CYBB: variants seen among roughly 807,000 people sequenced by gnomAD.
The protein encoded by CYBB is cytochrome b-245 beta chain, also known as NADPH oxidase 2.
Under a neutral mutation model 46.5 loss-of-function variants are expected in CYBB, and 5 were observed. The observed-to-expected ratio is 0.11, with a 90% CI of 0.06 to 0.23. The LOEUF (loss-of-function observed/expected upper bound fraction) is 0.23, where lower values mean the gene tolerates loss of function less well. Among genes scored for constraint, CYBB ranks in the 10% least tolerant of loss-of-function variants. The pLI is 1.00. For synonymous variants in CYBB, 183 were observed against 156.7 expected (o/e 1.17, Z -1.26); for missense variants, 307 against 428.3 (o/e 0.72, Z 2.50).
At chrX:37,798,075 A>G (rs1556468909) in intron 6 of CYBB, 1 of 112,006 alleles carries the variant, frequency 8.9e-6, no homozygotes, top group Non-Finnish European at 1.9e-5. Context: ...AATGAACTTG[A>G]ATTAAAACAT....
At chrX:37,802,433 A>T (rs1298442068) in intron 8 of CYBB, among the ~76,000 whole-genome samples, 1 of 111,856 alleles carries the variant, frequency 8.9e-6, no homozygotes, top group Admixed American at 9.5e-5. Context: ...TTTTCTTCTC[A>T]TATAAATAAA....
At chrX:37,804,283 T>C (rs782781536) in intron 9 of CYBB, among the ~76,000 whole-genome samples, 153 bp downstream of exon 9, 1 of 112,058 alleles carries the variant, frequency 8.9e-6, no homozygotes, top group African/African-American at 3.2e-5. Flanking sequence ...TTCATATGTG[T>C]AGTGTGTTTA....
At chrX:37,782,207 C>A (rs373087785) in intron 2 of CYBB, 24 bp downstream of exon 2, 2 of 957,642 alleles carry the variant, frequency 2.1e-6, no homozygotes, top group African/African-American at 3.8e-5. Flanking sequence ...CCATCCCATG[C>A]AATATTGGCT....
At chrX:37,781,213 A>G (rs1397030728) in intron 1 of CYBB, among the ~76,000 whole-genome samples, 2 of 112,411 alleles carry the variant, frequency 1.8e-5, no homozygotes, top group Non-Finnish European at 3.8e-5. Flanking sequence ...TTCAAATTAA[A>G]CTTTTAGCTC....
rs766756667 is a variant in CYBB, at chrX:37,810,885, G to A, written c.1681G>A (p.Val561Met). 34 of 1,206,839 alleles carry A rather than the reference G, an allele frequency of 2.8e-5. 1 individual carries two copies. The East Asian group carries it at 8.0e-4, about 28-fold the overall frequency. Reference protein sequence around the residue: ...ISNSESGPRGVHFIFNKENF With the variant: ...ISNSESGPRGMHFIFNKENF ...CAACTCTGAGTCTGGCCCTCGGGGAGTGCATTTCATTTTCAACAAGGAAAA... is the reference window on the plus strand; with the variant it reads ...CAACTCTGAGTCTGGCCCTCGGGGAATGCATTTCATTTTCAACAAGGAAAA... Residue 561 changes from valine (V) to methionine (M), a missense_variant, in exon 13 of 13, where the codon GTG becomes ATG. Physicochemically the swap from Val to Met is conservative, Grantham distance 21. Transcript: ENST00000378588.
chrX:37,792,341 C>T (rs1556467206), intron 4 of CYBB, among the ~76,000 whole-genome samples: 1 of 110,956 alleles, frequency 9.0e-6, no homozygotes, highest in Non-Finnish European at 1.9e-5. Context: ...CTTTGCTATT[C>T]TTTCTAGTGT....
At chrX:37,799,317 T>C (rs782032547) in intron 7 of CYBB, among the ~76,000 whole-genome samples, 4 of 111,558 alleles carry the variant, frequency 3.6e-5, no homozygotes, top group Non-Finnish European at 5.7e-5. Flanking sequence ...CTTGGGAAAA[T>C]AGTGTTTTTA....
intron 1 of CYBB, among the ~76,000 whole-genome samples, chrX:37,781,706 C>T (rs1199003723): frequency 9.0e-6 from 1 of 111,671 alleles, no homozygotes; most frequent in African/African-American, 3.3e-5. Flanking sequence ...CAGTGTCATA[C>T]TGGTGGAGGG....
intron 8 of CYBB, among the ~76,000 whole-genome samples, chrX:37,802,262 G>A (rs1394626576): frequency 9.0e-6 from 1 of 111,398 alleles, no homozygotes; most frequent in African/African-American, 3.3e-5. Flanking sequence ...TTCTCCTTTT[G>A]TGATATTTAT....
chrX:37,800,287 T>C (rs782497576), intron 7 of CYBB, among the ~76,000 whole-genome samples: 8 of 111,392 alleles, frequency 7.2e-5, no homozygotes, highest in Admixed American at 6.7e-4. Context: ...AGGAAACAGA[T>C]AGATGATTTG....
At chrX:37,788,830 A>C (rs1556466151) in intron 3 of CYBB, among the ~76,000 whole-genome samples, 1 of 111,884 alleles carries the variant, frequency 8.9e-6, no homozygotes, top group African/African-American at 3.3e-5. Context: ...TCAATCATCT[A>C]TCGTGTAACA....
intron 8 of CYBB, among the ~76,000 whole-genome samples, chrX:37,803,511 T>C (rs1216570005): frequency 9.0e-6 from 1 of 111,378 alleles, no homozygotes; most frequent in Non-Finnish European, 1.9e-5. Context: ...CTATAAGAGA[T>C]AAACCTGGAA....
At chrX:37,791,509 T>C (rs781821829) in intron 3 of CYBB, among the ~76,000 whole-genome samples, 2 of 111,765 alleles carry the variant, frequency 1.8e-5, no homozygotes, top group South Asian at 7.3e-4. Context: ...CCTCTCATAG[T>C]GTGTATGTCC....
chrX:37,797,037 C>T (rs1392410413), intron 6 of CYBB, among the ~76,000 whole-genome samples: 4 of 111,092 alleles, frequency 3.6e-5, no homozygotes, highest in Non-Finnish European at 7.6e-5. Flanking sequence ...GGGGAAGTTC[C>T]CTGGTGGGTA....
At chrX:37,784,145 C>T (rs1556464961) in intron 3 of CYBB, among the ~76,000 whole-genome samples, 2 of 111,357 alleles carry the variant, frequency 1.8e-5, no homozygotes, top group African/African-American at 6.5e-5. Flanking sequence ...TAGTAAGCCA[C>T]TAAATGTACT....
At chrX:37,804,971 A>G (rs1556471119) in intron 9 of CYBB, 35 bp from the exon 10 acceptor site, 1 of 1,199,481 alleles carries the variant, frequency 8.3e-7, no homozygotes, top group Admixed American at 2.2e-5. Context: ...AGAGCAAGAC[A>G]TCTCTGTAAC....
chrX:37,784,693 G>GT (rs1244531257), intron 3 of CYBB, among the ~76,000 whole-genome samples: 148 of 110,891 alleles, frequency 1.3e-3, no homozygotes, highest in African/African-American at 1.9e-3. Context: ...TAGCTTCTAG[G>GT]TTTTTTTTAA....
At chrX:37,803,116 C>T (rs17146255) in intron 8 of CYBB, among the ~76,000 whole-genome samples, 17,808 of 110,801 alleles carry the variant, frequency 0.16, 1,007 homozygotes, top group South Asian at 0.19. Flanking sequence ...GTAGAAATAA[C>T]GCATGGAATC....
intron 4 of CYBB, among the ~76,000 whole-genome samples, chrX:37,793,063 G>A (rs888848881): frequency 9.5e-6 from 1 of 105,374 alleles, no homozygotes; most frequent in Admixed American, 1.1e-4. Context: ...TCAATGTAAG[G>A]ATTAAGTCAT....
Sources: allele counts gnomAD v4.1 joint callset (sites outside exome capture counted in the v4.1 genomes callset), GRCh38; gene constraint gnomAD v4.1.1; transcripts MANE v1.5; gene names NCBI Gene and HGNC (gene_info 2026-07-23, HGNC 2026-07-21).